MAN1B1: variants seen among roughly 807,000 people sequenced by gnomAD.
MAN1B1 encodes mannosidase alpha class 1B member 1.
MAN1B1 carries 66 observed loss-of-function variants against 75.5 expected under a neutral mutation model. The observed-to-expected ratio is 0.87, with a 90% CI of 0.72 to 1.07. The LOEUF (loss-of-function observed/expected upper bound fraction) is 1.07. MAN1B1 is among the 50% of genes least tolerant of loss of function. The probability of loss-of-function intolerance (pLI) is 0.00; values close to 1 mark genes in which losing one functional copy is unlikely to be tolerated. For synonymous variants in MAN1B1, 453 were observed against 382.8 expected, an observed-to-expected ratio of 1.18 and a Z score of -2.14; for missense variants, 973 against 912.5, an observed-to-expected ratio of 1.07 and a Z score of -0.85.
chr9:137,102,425 G>T, intron 8 of MAN1B1: 1 of 436,358 alleles, frequency 2.3e-6, no homozygotes, highest in South Asian at 1.6e-5. Context: ...GCAGGTTGGT[G>T]GTGTTACATT....
intron 1 of MAN1B1, 139 bp downstream of exon 1, chr9:137,087,357 G>A: frequency 1.9e-6 from 2 of 1,041,434 alleles, no homozygotes; most frequent in East Asian, 2.6e-5. Context: ...CGCAAAAAGG[G>A]GCAAATGTGC....
Position 137,106,169 on chromosome 9 carries a change from G to A in MAN1B1, c.1299G>A (p.Gly433=), listed in dbSNP as rs201942029. The A allele has an allele frequency of 6.2e-7, 1 of 1,612,968 alleles. No homozygotes were observed. Among genetic ancestry groups the A allele is most frequent in the Non-Finnish European group, 8.5e-7 (1 of 1,179,920 alleles). The change falls in exon 9 of 13, where the codon GGG becomes GGA. Residue 433 remains glycine, a synonymous_variant. Transcript: ENST00000371589. ...KVTQHIHGLS[G]KKDGLVPMFI... ...CACAGCACATCCACGGCCTGTCTGG[G>A]AAGAAGGATGGGCTGGTGCCCATGT... is the stretch of plus-strand genomic sequence containing the variant.
At chr9:137,106,404 G>A (rs112808567) in intron 9 of MAN1B1, 89 bp downstream of exon 9, 77 of 1,206,098 alleles carry the variant, frequency 6.4e-5, no homozygotes, top group African/African-American at 1.8e-4. Flanking sequence ...CACGGCCCCC[G>A]CTCCTGCTGC....
rs767966833 is a variant in MAN1B1, at chr9:137,087,053, CT to C, written c.56del (p.Phe19SerfsTer2). On this transcript the variant is annotated frameshift_variant, in exon 1 of 13. Transcript: ENST00000371589. LOFTEE classifies it high-confidence loss of function. ...GAGCTCTCGGTTCCTCTCAGTCGGA[CT>C]TCCTGACGCCGCCAGTGGGCGGGGC... ...SGALGSSQSDFLTPPVGGAPW... is the reference protein window; with the variant it reads ...SGALGSSQSDXLTPPVGGAPW... The C allele has an allele frequency of 1.2e-6, 2 of 1,604,586 alleles. No homozygotes were observed. The highest frequency in any genetic ancestry group is 2.2e-5 in the South Asian group (2 of 89,226).
rs1248082939 is a variant in MAN1B1 at position 137,108,697 on chromosome 9, A to AGGCTCTGAACT, written c.*114_*124dup. The AGGCTCTGAACT allele has an allele frequency of 9.3e-7, 1 of 1,080,330 alleles. No homozygotes were observed. The highest frequency in any genetic ancestry group is 1.6e-5 in the African/African-American group (1 of 64,476). 66.9% of individuals were successfully genotyped at this position (1,080,330 alleles called of 1,614,324 possible). A position where few individuals can be genotyped will look rare whatever the true frequency, so the allele number is the denominator to read the frequency against. On this transcript the variant is annotated 3_prime_UTR_variant, in exon 13 of 13. Transcript: ENST00000371589. ...AGCACCGGCAACCGCCAAGTGGCCC[A>AGGCTCTGAACT]GGCTCTGAACTGGCTCTGGGCTCCT... is the stretch of plus-strand genomic sequence containing the variant.
chr9:137,091,761 C>T (rs61203929), intron 3 of MAN1B1, among the ~76,000 whole-genome samples: 11,675 of 151,622 alleles, frequency 0.077, 1,457 homozygotes, highest in African/African-American at 0.26. Context: ...CACCTGACCT[C>T]GTGATCTGCC....
intron 8 of MAN1B1, chr9:137,103,062 G>C (rs1830931652): frequency 8.9e-6 from 4 of 450,060 alleles, no homozygotes; most frequent in Non-Finnish European, 1.8e-5. Context: ...GTGCAGGTTG[G>C]TGTTACACAC....
In MAN1B1 at chr9:137,106,268, T is replaced by C. The variant is rs1444435268; in HGVS notation, c.1398T>C (p.Tyr466=). The C allele has an allele frequency of 7.0e-6, 11 of 1,569,522 alleles. No individual in the cohort carries two copies. Among genetic ancestry groups the C allele is most frequent in the Non-Finnish European group, 9.5e-6 (11 of 1,157,540 alleles). ...TGGGCGCCAGGGCCGACAGCTACTA[T>C]GAGTACCTGCTGAAGCAGTGGATCC... ...FTLGARADSY[Y]EYLLKQWIQG... Residue 466 remains tyrosine (Y), a synonymous_variant, in exon 9 of 13, where the codon TAT becomes TAC. Transcript: ENST00000371589.
In MAN1B1 at chr9:137,107,567, G is replaced by A. The variant is rs772857652; in HGVS notation, c.1801G>A (p.Val601Met). ...DRHNLLRPET[V>M]ESLFYLYRVT... is the part of the protein sequence containing the mutation. ...GCACAACCTGCTGCGGCCAGAGACCGTGGAGAGCCTGTTCTACCTGTACCG... is the reference window on the plus strand; with the variant it reads ...GCACAACCTGCTGCGGCCAGAGACCATGGAGAGCCTGTTCTACCTGTACCG... The change falls in exon 12 of 13, where the codon GTG becomes ATG. Residue 601 changes from valine (V) to methionine (M), a missense_variant. Coordinates refer to ENST00000371589, the MANE Select transcript of MAN1B1 (RefSeq NM_016219.5). 8 of 1,612,692 alleles carry A rather than the reference G, an allele frequency of 5.0e-6. No homozygotes were observed. The highest frequency in any genetic ancestry group is 1.3e-5 in the African/African-American group (1 of 75,064).
In MAN1B1 at chr9:137,101,540, C is replaced by G; in HGVS notation, c.1122C>G (p.Tyr374Ter). The change falls in exon 8 of 13, where the codon TAC becomes TAG. Residue 374 changes from tyrosine to a stop codon, truncating the protein, a stop_gained. Coordinates refer to ENST00000371589, the MANE Select transcript of MAN1B1 (RefSeq NM_016219.5). LOFTEE classifies it high-confidence loss of function. ...TCAGAACACCATCCAAGATTCCTTA[C>G]TCGGATGTGAACATCGGTACTGGAG... ...PAFRTPSKIP[Y>*]SDVNIGTGVA... 1 of 1,613,934 alleles carries G rather than the reference C, an allele frequency of 6.2e-7. No homozygotes were observed. The highest frequency in any genetic ancestry group is 8.5e-7 in the Non-Finnish European group (1 of 1,180,048).
At chr9:137,105,750 C>A in intron 8 of MAN1B1, 1 of 415,308 alleles carries the variant, frequency 2.4e-6, no homozygotes, top group South Asian at 1.8e-5. Context: ...AGAAGGCAGG[C>A]ACACTTGCCG....
intron 12 of MAN1B1, 45 bp downstream of exon 12, chr9:137,107,707 C>T: frequency 6.2e-7 from 1 of 1,610,606 alleles, no homozygotes; most frequent in South Asian, 1.1e-5. Context: ...CACCGGGCCA[C>T]AGGCACGGCT....
intron 3 of MAN1B1, among the ~76,000 whole-genome samples, chr9:137,092,199 C>CAA (rs113185527): frequency 4.2e-5 from 6 of 141,696 alleles, no homozygotes; most frequent in African/African-American, 1.0e-4. Flanking sequence ...CCATCTCTAC[C>CAA]AAAAAAAAAA....
intron 8 of MAN1B1, chr9:137,105,076 A>T (rs1320393192): frequency 6.6e-6 from 1 of 152,288 alleles, no homozygotes; most frequent in Non-Finnish European, 1.5e-5. Context: ...GATGGTCTGG[A>T]ACTGACCTCA....
At chr9:137,091,846 TGAG>T (rs1360830108) in intron 3 of MAN1B1, among the ~76,000 whole-genome samples, 1 of 152,104 alleles carries the variant, frequency 6.6e-6, no homozygotes, top group Non-Finnish European at 1.5e-5. Context: ...TTAATAGAGA[TGAG>T]GTCTCACTAT....
At chr9:137,104,840 G>A (rs1431250827) in intron 8 of MAN1B1, 1 of 151,954 alleles carries the variant, frequency 6.6e-6, no homozygotes, top group Non-Finnish European at 1.5e-5. Context: ...GGTGTTGTGA[G>A]TGTGGGTGCA....
At chr9:137,106,102 C>T (rs1200647214) in intron 8 of MAN1B1, 23 bp from the exon 9 acceptor site, 3 of 1,605,950 alleles carry the variant, frequency 1.9e-6, no homozygotes, top group Non-Finnish European at 2.6e-6. Context: ...CCAGTAAACC[C>T]ACCATCCCCC....
In MAN1B1 at chr9:137,088,055, A is replaced by G; in HGVS notation, c.220-20A>G. 6.3e-7 allele frequency: 1 copy of G among 1,580,178 alleles called. No individual in the cohort carries two copies. The highest frequency in any genetic ancestry group is 8.7e-7 in the Non-Finnish European group (1 of 1,148,958). On this transcript the variant is annotated intron_variant, in intron 1 of 12. Coordinates refer to ENST00000371589, the MANE Select transcript of MAN1B1 (RefSeq NM_016219.5). ...TGTGATATATTCAGTAAGAAATGTC[A>G]TTCTCTGTACCTCCCTTAGAAATGG...
At chr9:137,090,862 T>G (rs1830496542) in intron 3 of MAN1B1, among the ~76,000 whole-genome samples, 1 of 152,192 alleles carries the variant, frequency 6.6e-6, no homozygotes, top group African/African-American at 2.4e-5. Flanking sequence ...CAAGAAAATG[T>G]GTCCTTTTAA....
Sources: allele counts gnomAD v4.1 joint callset (sites outside exome capture counted in the v4.1 genomes callset), GRCh38; gene constraint gnomAD v4.1.1; transcripts MANE v1.5; gene names NCBI Gene and HGNC (gene_info 2026-07-23, HGNC 2026-07-21).